The following SUZ12 variants were observed in gnomAD, a reference collection of about 807,000 sequenced individuals.
SUZ12 encodes the protein SUZ12 polycomb repressive complex 2 subunit, also known as polycomb protein SUZ12.
Under a neutral mutation model 87.3 loss-of-function variants are expected in SUZ12, and 17 were observed. That is an observed-to-expected ratio of 0.19 (90% CI 0.13 to 0.29). The LOEUF (loss-of-function observed/expected upper bound fraction) is 0.29. SUZ12 is among the 10% of genes least tolerant of loss of function. The pLI, the probability that SUZ12 is intolerant of heterozygous loss-of-function variation, is 1.00. For synonymous variants in SUZ12, 253 were observed against 312.4 expected, an observed-to-expected ratio of 0.81 and a Z score of 2.01; for missense variants, 526 against 912.2, an observed-to-expected ratio of 0.58 and a Z score of 5.45.
intron 3 of SUZ12, among the ~76,000 whole-genome samples, chr17:31,941,564 T>C (rs1906283872): frequency 6.6e-6 from 1 of 150,722 alleles, no homozygotes; most frequent in Non-Finnish European, 1.5e-5. Context: ...GCCTTTTTTT[T>C]TTTGAAACGG....
intron 4 of SUZ12, among the ~76,000 whole-genome samples, chr17:31,953,636 A>G (rs562581225): frequency 1.1e-4 from 16 of 151,322 alleles, no homozygotes; most frequent in East Asian, 9.8e-4. Context: ...TTGAACTCCT[A>G]TCCTCAAGTG....
chr17:31,938,322 T>C (rs1290912609), intron 1 of SUZ12, among the ~76,000 whole-genome samples: 1 of 152,234 alleles, frequency 6.6e-6, no homozygotes, highest in Non-Finnish European at 1.5e-5. Flanking sequence ...GTTCCCTTTT[T>C]TGCTTTTGTG....
chr17:31,961,561 A>AC (rs1214292291), intron 4 of SUZ12, among the ~76,000 whole-genome samples: 34 of 152,202 alleles, frequency 2.2e-4, no homozygotes, highest in Admixed American at 2.6e-4. Context: ...ACAAAACAAA[A>AC]AAAGCTGGTT....
chr17:31,992,414 C>T (rs1445494143), intron 10 of SUZ12, among the ~76,000 whole-genome samples: 1 of 151,852 alleles, frequency 6.6e-6, no homozygotes, highest in Non-Finnish European at 1.5e-5. Context: ...GTTTTTGTTT[C>T]TGTTTTCCTT....
At chr17:31,961,037 CCT>C (rs1907681796) in intron 4 of SUZ12, among the ~76,000 whole-genome samples, 1 of 151,910 alleles carries the variant, frequency 6.6e-6, no homozygotes, top group Non-Finnish European at 1.5e-5. Context: ...TATGACGAAA[CCT>C]CTCTCCACTA....
intron 4 of SUZ12, among the ~76,000 whole-genome samples, chr17:31,962,194 G>A (rs1192563008): frequency 3.2e-4 from 48 of 152,256 alleles, no homozygotes. Flanking sequence ...GCAGCACTTG[G>A]GGAGGCTGAG....
intron 4 of SUZ12, among the ~76,000 whole-genome samples, chr17:31,949,447 G>A (rs368462547): frequency 4.2e-4 from 64 of 152,084 alleles, no homozygotes; most frequent in African/African-American, 1.5e-3. Context: ...TGCTCCCAGA[G>A]GCACTAAGAT....
rs1167289113 is a variant in SUZ12 at position 31,993,224 on chromosome 17, A to T, written c.1202-18A>T. On this transcript the variant is annotated intron_variant, in intron 10 of 15. Coordinates refer to ENST00000322652, the MANE Select transcript of SUZ12 (RefSeq NM_015355.4). ...CAAAAGCAATGTTTTTATTGAATAT[A>T]AAAGTGTATGTTTTCAGCTGTTAAA... 2 of 1,507,724 alleles carry T rather than the reference A, an allele frequency of 1.3e-6. No individual in the cohort carries two copies. The highest frequency in any genetic ancestry group is 1.8e-6 in the Non-Finnish European group (2 of 1,116,862). The allele number at this position is 1,507,724 out of a possible 1,614,324, so 93.4% of individuals were successfully genotyped here. A position where few individuals can be genotyped will look rare whatever the true frequency, so the allele number is the denominator to read the frequency against.
At chr17:31,943,996 A>G (rs1906464125) in intron 3 of SUZ12, among the ~76,000 whole-genome samples, 1 of 151,840 alleles carries the variant, frequency 6.6e-6, no homozygotes, top group Non-Finnish European at 1.5e-5. Context: ...GTGCCTGGCC[A>G]TCAAAGCATT....
intron 1 of SUZ12, among the ~76,000 whole-genome samples, chr17:31,938,174 T>C (rs1202128682): frequency 6.6e-6 from 1 of 152,262 alleles, no homozygotes; most frequent in Non-Finnish European, 1.5e-5. Context: ...TTTCTGTTTC[T>C]AAGTTCTGTC....
intron 10 of SUZ12, among the ~76,000 whole-genome samples, chr17:31,989,783 G>A (rs948448980): frequency 4.1e-4 from 30 of 72,810 alleles, no homozygotes; most frequent in Non-Finnish European, 7.9e-4. Context: ...TTTTTTTTTT[G>A]TATTTTTAGT....
chr17:31,965,773 T>C (rs890897081), intron 4 of SUZ12: 1 of 161,708 alleles, frequency 6.2e-6, no homozygotes, highest in Admixed American at 6.4e-5. Context: ...CCCTCCAAAA[T>C]TCCTTTTTAA....
chr17:31,971,867 C>G (rs570118734), intron 5 of SUZ12, among the ~76,000 whole-genome samples: 1 of 152,262 alleles, frequency 6.6e-6, no homozygotes, highest in East Asian at 1.9e-4. Flanking sequence ...GTAGTCTCAG[C>G]TACTTAGGAG....
At chr17:31,981,657 C>T (rs1262050319) in intron 8 of SUZ12, among the ~76,000 whole-genome samples, 1 of 150,558 alleles carries the variant, frequency 6.6e-6, no homozygotes, top group African/African-American at 2.5e-5. Flanking sequence ...TTGAAGTTGA[C>T]TAAATTTAAG....
At chr17:31,949,655 A>ACC in intron 4 of SUZ12, among the ~76,000 whole-genome samples, 1 of 9,456 alleles carries the variant, frequency 1.1e-4, no homozygotes, top group Non-Finnish European at 2.1e-4. Flanking sequence ...CTGCCACCAC[A>ACC]CCCAGCCCCC....
At chr17:31,989,400 A>C (rs1909585419) in intron 10 of SUZ12, among the ~76,000 whole-genome samples, 1 of 152,188 alleles carries the variant, frequency 6.6e-6, no homozygotes, top group Non-Finnish European at 1.5e-5. Context: ...AAAAAAATTG[A>C]AGCGTGATAT....
At chr17:31,940,201 T>G in intron 1 of SUZ12, 85 bp from the exon 2 acceptor site, 1 of 1,546,344 alleles carries the variant, frequency 6.5e-7, no homozygotes, top group Non-Finnish European at 8.7e-7. Flanking sequence ...ATGATAAGTT[T>G]ATATTGATTA....
chr17:31,962,725 A>AT (rs72092408), intron 4 of SUZ12, among the ~76,000 whole-genome samples: 24,324 of 146,998 alleles, frequency 0.17, no homozygotes, highest in African/African-American at 0.31. Context: ...ATTCAATTCT[A>AT]TTTCATATGT....
Position 31,994,728 on chromosome 17 carries a change from A to C in SUZ12, c.1595+7A>C. The C allele has an allele frequency of 6.2e-7, 1 of 1,610,326 alleles. No individual in the cohort carries two copies. The highest frequency in any genetic ancestry group is 8.5e-7 in the Non-Finnish European group (1 of 1,178,356). ...CACATATTCTTGTGTGCAGGTAGGT[A>C]AAAAGGGCATATAAGAAAAGTTTAA... is the stretch of plus-strand genomic sequence containing the variant. On this transcript the variant is annotated splice_region_variant and intron_variant, in intron 13 of 15. Transcript: ENST00000322652.
Sources: gnomAD v4.1 joint callset for allele counts (sites outside exome capture counted in the v4.1 genomes callset) on GRCh38, gnomAD v4.1.1 for gene constraint, MANE v1.5 for transcripts, NCBI Gene and HGNC (gene_info 2026-07-23, HGNC 2026-07-21) for gene names.